TSPAN5: variants seen among roughly 807,000 people sequenced by gnomAD.
TSPAN5 encodes tetraspanin 5.
Under a neutral mutation model 37.1 loss-of-function variants are expected in TSPAN5, and 10 were observed. That is an observed-to-expected ratio of 0.27 (90% CI 0.17 to 0.46). The LOEUF (loss-of-function observed/expected upper bound fraction) is 0.46. Ranked by LOEUF, TSPAN5 falls within the 20% of genes least tolerant of loss-of-function variation. The probability of loss-of-function intolerance (pLI) is 1.00; values close to 1 mark genes in which losing one functional copy is unlikely to be tolerated. For synonymous variants in TSPAN5, 110 were observed against 118.9 expected (o/e 0.93, Z 0.48); for missense variants, 195 against 326.6 (o/e 0.60, Z 3.11).
At chr4:98,549,301 TG>T (rs747056763) in intron 1 of TSPAN5, among the ~76,000 whole-genome samples, 12,238 of 144,930 alleles carry the variant, frequency 0.084, 1,078 homozygotes, top group African/African-American at 0.22. Flanking sequence ...TGTTTGTTTT[TG>T]TTTTTTTTTG....
At chr4:98,486,187 C>T (rs1385506667) in intron 3 of TSPAN5, among the ~76,000 whole-genome samples, 1 of 152,182 alleles carries the variant, frequency 6.6e-6, no homozygotes, top group Non-Finnish European at 1.5e-5. Flanking sequence ...CAAACATTCA[C>T]TCAGACAGTG....
At chr4:98,499,171 T>G (rs538702710) in intron 2 of TSPAN5, among the ~76,000 whole-genome samples, 1 of 152,298 alleles carries the variant, frequency 6.6e-6, no homozygotes, top group East Asian at 1.9e-4. Flanking sequence ...GACCAGGATA[T>G]TCTCCTCTTT....
intron 1 of TSPAN5, among the ~76,000 whole-genome samples, chr4:98,530,066 C>A (rs1026796674): frequency 6.6e-6 from 1 of 152,168 alleles, no homozygotes. Flanking sequence ...GGACATGGCA[C>A]CTGGCAGGAA....
At chr4:98,484,417 T>G (rs1239065603) in intron 3 of TSPAN5, 1 of 455,822 alleles carries the variant, frequency 2.2e-6, no homozygotes, top group African/African-American at 2.0e-5. Context: ...CGAAGATTAT[T>G]CCAGGCAAGT....
At chr4:98,530,262 A>G (rs2110127541) in intron 1 of TSPAN5, among the ~76,000 whole-genome samples, 1 of 152,324 alleles carries the variant, frequency 6.6e-6, no homozygotes, top group South Asian at 2.1e-4. Flanking sequence ...TCAGGGATGA[A>G]ATGTCCCCTA....
intron 1 of TSPAN5, among the ~76,000 whole-genome samples, chr4:98,642,787 A>T (rs1262153568): frequency 6.6e-6 from 1 of 152,180 alleles, no homozygotes. Context: ...CATTTTTAAC[A>T]AAAAAGTTTT....
chr4:98,651,237 T>C (rs1013724686), intron 1 of TSPAN5, among the ~76,000 whole-genome samples: 8 of 152,172 alleles, frequency 5.3e-5, no homozygotes, highest in Non-Finnish European at 8.8e-5. Flanking sequence ...GAATCTAAGC[T>C]TGTGAAAATG....
intron 1 of TSPAN5, among the ~76,000 whole-genome samples, chr4:98,583,953 C>G (rs1360621397): frequency 6.6e-6 from 1 of 152,134 alleles, no homozygotes; most frequent in Non-Finnish European, 1.5e-5. Context: ...TGGAACTTTG[C>G]CATGCTTGTC....
At chr4:98,520,319 G>T (rs566052032) in intron 1 of TSPAN5, among the ~76,000 whole-genome samples, 1 of 152,270 alleles carries the variant, frequency 6.6e-6, no homozygotes, top group South Asian at 2.1e-4. Context: ...AAAACATAGA[G>T]CAACAAGAAA....
intron 1 of TSPAN5, among the ~76,000 whole-genome samples, chr4:98,571,756 C>T (rs941447179): frequency 8.6e-5 from 13 of 152,004 alleles, no homozygotes; most frequent in Admixed American, 5.9e-4. Context: ...CTACATCATA[C>T]GATTTTGTAA....
At chr4:98,657,518 C>T (rs1757316859) in intron 1 of TSPAN5, 1 of 155,414 alleles carries the variant, frequency 6.4e-6, no homozygotes, top group South Asian at 2.0e-4. Flanking sequence ...CCCGCACCCC[C>T]ACTGACCAGT....
At chr4:98,646,307 A>C (rs1343905448) in intron 1 of TSPAN5, among the ~76,000 whole-genome samples, 1 of 152,218 alleles carries the variant, frequency 6.6e-6, no homozygotes, top group Non-Finnish European at 1.5e-5. Context: ...CATGACCTCA[A>C]GAATTTGTCT....
intron 7 of TSPAN5, among the ~76,000 whole-genome samples, chr4:98,475,361 G>A (rs1411202720): frequency 6.6e-6 from 1 of 152,164 alleles, no homozygotes; most frequent in Non-Finnish European, 1.5e-5. Flanking sequence ...TCTTTGGAAA[G>A]TATCACACCA....
chr4:98,602,538 C>T (rs1755905302), intron 1 of TSPAN5, among the ~76,000 whole-genome samples: 1 of 152,146 alleles, frequency 6.6e-6, no homozygotes, highest in Non-Finnish European at 1.5e-5. Context: ...CCCTCTTCTC[C>T]ACAGATGCCT....
intron 1 of TSPAN5, among the ~76,000 whole-genome samples, chr4:98,508,777 G>A (rs767134048): frequency 4.0e-5 from 6 of 151,790 alleles, no homozygotes; most frequent in Admixed American, 6.6e-5. Context: ...CTCCCGCCTC[G>A]GCCTCTCAAA....
chr4:98,575,061 G>A (rs975500824), intron 1 of TSPAN5, among the ~76,000 whole-genome samples: 1 of 73,102 alleles, frequency 1.4e-5, no homozygotes, highest in African/African-American at 4.9e-5. Flanking sequence ...CCAGCACGCT[G>A]AGTGGAGAAG....
chr4:98,638,131 G>A (rs1756895928), intron 1 of TSPAN5, among the ~76,000 whole-genome samples: 1 of 152,118 alleles, frequency 6.6e-6, no homozygotes, highest in Admixed American at 6.5e-5. Flanking sequence ...TGCCCAGTGG[G>A]GCTGTCTACG....
At chr4:98,653,949 C>T (rs1435115322) in intron 1 of TSPAN5, among the ~76,000 whole-genome samples, 1 of 152,170 alleles carries the variant, frequency 6.6e-6, no homozygotes, top group East Asian at 1.9e-4. Flanking sequence ...GTGCTCTAAC[C>T]AATGGAATAG....
intron 1 of TSPAN5, among the ~76,000 whole-genome samples, chr4:98,628,223 T>A (rs1483812260): frequency 6.6e-6 from 1 of 152,134 alleles, no homozygotes; most frequent in Non-Finnish European, 1.5e-5. Context: ...TAATAAGGTA[T>A]AAGGGTTTTT....
Sources: allele counts gnomAD v4.1 joint callset (sites outside exome capture counted in the v4.1 genomes callset), GRCh38; gene constraint gnomAD v4.1.1; transcripts MANE v1.5; gene names NCBI Gene and HGNC (gene_info 2026-07-23, HGNC 2026-07-21).